ADAMTS3: variants seen among roughly 807,000 people sequenced by gnomAD.
The protein encoded by ADAMTS3 is A disintegrin and metalloproteinase with thrombospondin motifs 3.
Under a neutral mutation model 129.0 loss-of-function variants are expected in ADAMTS3, and 73 were observed. The observed-to-expected ratio is 0.57, with a 90% CI of 0.47 to 0.69. The LOEUF is 0.69. ADAMTS3 is among the 30% of genes least tolerant of loss of function. The pLI is 0.00. For missense variants in ADAMTS3, 1,457 were observed against 1,514.5 expected (o/e 0.96, Z 0.63); for synonymous variants, 477 against 510.8 (o/e 0.93, Z 0.89).
At position 72,536,579 on chromosome 4, in the gene ADAMTS3, C is replaced by A. The variant is rs114842062; in HGVS notation, c.504+11899G>T. The stretch of plus-strand genomic sequence containing the variant: ...AGATGCATTAATGCTCTTGGTAATG[C>A]CCTAATCTGATAAGCATTACTTCCC... On this transcript the variant is annotated intron_variant, in intron 3 of 21. Transcript: ENST00000286657. Among the ~76,000 whole-genome samples the A allele has an allele frequency of 2.3e-3, 353 of 152,210 alleles. 1 individual carries two copies. The highest frequency in any genetic ancestry group is 8.0e-3 in the African/African-American group (334 of 41,514).
At position 72,291,049 on chromosome 4, in the gene ADAMTS3, CT is replaced by C; in HGVS notation, c.2736del (p.Glu913AsnfsTer68). ...CAGGTTTTGGTGCAGTGTTCCCATT[CT>C]TCTGCTACCCAGCTGTGGGTGCGGG... Reference protein sequence around the residue: ...QECTHPLWVAEEWEHCTKTCG... With the variant: ...QECTHPLWVAXEWEHCTKTCG... On this transcript the variant is annotated frameshift_variant, in exon 20 of 22. Transcript: ENST00000286657. LOFTEE classifies it high-confidence loss of function. 1 of 1,613,906 alleles carries C rather than the reference CT, an allele frequency of 6.2e-7. No homozygotes were observed. The highest frequency in any genetic ancestry group is 8.5e-7 in the Non-Finnish European group (1 of 1,179,902).
At chr4:72,539,511 A>C (rs1218525825) in intron 3 of ADAMTS3, among the ~76,000 whole-genome samples, 2 of 149,632 alleles carry the variant, frequency 1.3e-5, no homozygotes, top group Non-Finnish European at 3.0e-5. Context: ...AAAAAAAAAA[A>C]AACAGAAAAT....
intron 3 of ADAMTS3, among the ~76,000 whole-genome samples, chr4:72,546,833 A>C (rs549317631): frequency 6.6e-6 from 1 of 152,052 alleles, no homozygotes; most frequent in African/African-American, 2.4e-5. Context: ...TCTCATCCAG[A>C]AGTGTCTTCC....
chr4:72,517,907 T>C (rs1720540511), intron 3 of ADAMTS3, among the ~76,000 whole-genome samples: 1 of 151,274 alleles, frequency 6.6e-6, no homozygotes, highest in Non-Finnish European at 1.5e-5. Context: ...CTTGCTTTTC[T>C]AGTTCTTTTA....
intron 4 of ADAMTS3, among the ~76,000 whole-genome samples, chr4:72,389,334 C>A (rs933439096): frequency 3.3e-5 from 5 of 152,072 alleles, no homozygotes; most frequent in African/African-American, 9.7e-5. Flanking sequence ...TGAATGACCA[C>A]CCCTCAGGAA....
intron 4 of ADAMTS3, among the ~76,000 whole-genome samples, chr4:72,400,402 G>A (rs62651496): frequency 0.98 from 82,016 of 83,912 alleles, 40,192 homozygotes; most frequent in Middle Eastern, 1. Flanking sequence ...GCATAGATAT[G>A]CACACGGTGT....
intron 3 of ADAMTS3, among the ~76,000 whole-genome samples, chr4:72,487,083 C>A (rs1719609757): frequency 6.6e-6 from 1 of 152,050 alleles, no homozygotes. Flanking sequence ...CCCAAAGTCA[C>A]AAGAAGTGAG....
chr4:72,440,980 T>C (rs901326094), intron 3 of ADAMTS3, among the ~76,000 whole-genome samples: 3 of 151,790 alleles, frequency 2.0e-5, no homozygotes, highest in Admixed American at 2.0e-4. Context: ...GTATTCACAA[T>C]TGCAAATACC....
At chr4:72,377,883 C>G (rs1721173593) in intron 4 of ADAMTS3, among the ~76,000 whole-genome samples, 1 of 152,162 alleles carries the variant, frequency 6.6e-6, no homozygotes, top group Non-Finnish European at 1.5e-5. Context: ...GAACTAAAAA[C>G]TGGAAAATCA....
At chr4:72,335,591 G>A (rs564591367) in intron 5 of ADAMTS3, among the ~76,000 whole-genome samples, 2 of 152,044 alleles carry the variant, frequency 1.3e-5, no homozygotes, top group African/African-American at 4.8e-5. Flanking sequence ...TTTTTTTAAT[G>A]ATTAGCTTTA....
At chr4:72,455,906 C>CAGTATATAT (rs1560522081) in intron 3 of ADAMTS3, among the ~76,000 whole-genome samples, 87 of 77,004 alleles carry the variant, frequency 1.1e-3, no homozygotes, top group Non-Finnish European at 1.6e-3. Context: ...ATAGTATATA[C>CAGTATATAT]ACTGTATATA....
chr4:72,558,237 G>A (rs1193705940), intron 2 of ADAMTS3, among the ~76,000 whole-genome samples: 2 of 151,820 alleles, frequency 1.3e-5, no homozygotes, highest in African/African-American at 4.9e-5. Flanking sequence ...GAGAAACTGG[G>A]ACAGTCTACT....
intron 3 of ADAMTS3, among the ~76,000 whole-genome samples, chr4:72,482,114 C>A (rs1719452694): frequency 6.6e-6 from 1 of 151,924 alleles, no homozygotes; most frequent in African/African-American, 2.4e-5. Flanking sequence ...AAAAACTAAT[C>A]ACTCAATTAT....
chr4:72,403,217 TTC>T (rs746983580), intron 4 of ADAMTS3, among the ~76,000 whole-genome samples: 1 of 152,104 alleles, frequency 6.6e-6, no homozygotes, highest in Non-Finnish European at 1.5e-5. Flanking sequence ...GACATGGTAC[TTC>T]TGTCACTTTT....
At position 72,291,972 on chromosome 4, in the gene ADAMTS3, G is replaced by A. The variant is rs1718683540; in HGVS notation, c.2724-910C>T. 3.9e-5 allele frequency among the ~76,000 whole-genome samples: 6 copies of A among 152,228 alleles called. No individual in the cohort carries two copies. In the South Asian group the frequency reaches 1.2e-3, roughly 32 times the overall value. ...CTCTGAAATCTTCTTCTTTCCTAAA[G>A]GATGATCTACAGAGGGTTTCTGAAA... On this transcript the variant is annotated intron_variant, in intron 19 of 21. Transcript: ENST00000286657.
chr4:72,367,081 G>A (rs77174398), intron 4 of ADAMTS3, among the ~76,000 whole-genome samples: 3,515 of 152,176 alleles, frequency 0.023, 127 homozygotes, highest in East Asian at 0.16. Context: ...TGATTTTAAA[G>A]ACACATTTTT....
At chr4:72,434,725 A>T (rs77440195) in intron 3 of ADAMTS3, among the ~76,000 whole-genome samples, 6,702 of 151,906 alleles carry the variant, frequency 0.044, 185 homozygotes, top group African/African-American at 0.054. Flanking sequence ...AGTTGAGTTG[A>T]TTACTTGAAA....
At chr4:72,444,027 T>C (rs566449606) in intron 3 of ADAMTS3, among the ~76,000 whole-genome samples, 1 of 151,864 alleles carries the variant, frequency 6.6e-6, no homozygotes, top group East Asian at 2.0e-4. Context: ...CATCATATGC[T>C]GCAGGGAACT....
chr4:72,304,219 G>A, intron 16 of ADAMTS3, 139 bp from the exon 17 acceptor site: 1 of 810,402 alleles, frequency 1.2e-6, no homozygotes, highest in East Asian at 2.6e-5. Context: ...ATGGGTGTTA[G>A]TTCTGATATT....
Sources: gnomAD v4.1 joint callset for allele counts (sites outside exome capture counted in the v4.1 genomes callset) on GRCh38, gnomAD v4.1.1 for gene constraint, MANE v1.5 for transcripts, NCBI Gene and HGNC (gene_info 2026-07-23, HGNC 2026-07-21) for gene names.